Variants in FBXL7 observed in about 807,000 individuals in gnomAD.
FBXL7 encodes the protein F-box and leucine rich repeat protein 7.
A neutral mutation model predicts 38.3 loss-of-function variants in FBXL7; 12 were observed. The ratio of observed to expected loss-of-function variants is 0.31; its 90% CI spans 0.20 to 0.51. The LOEUF (loss-of-function observed/expected upper bound fraction) is 0.51, where lower values mean the gene tolerates loss of function less well. FBXL7 is among the 20% of genes least tolerant of loss of function. The pLI is 0.98. For synonymous variants in FBXL7, 297 were observed against 300.9 expected (o/e 0.99, Z 0.13); for missense variants, 567 against 676.4 (o/e 0.84, Z 1.79).
intron 2 of FBXL7, among the ~76,000 whole-genome samples, chr5:15,883,849 T>A (rs1455709978): frequency 6.6e-6 from 1 of 152,234 alleles, no homozygotes; most frequent in Non-Finnish European, 1.5e-5. Flanking sequence ...GTGTCTAGTA[T>A]AATTTCAAAC....
chr5:15,776,750 C>A (rs1195240384), intron 2 of FBXL7, among the ~76,000 whole-genome samples: 1 of 152,074 alleles, frequency 6.6e-6, no homozygotes, highest in African/African-American at 2.4e-5. Context: ...TAGCTTTTTT[C>A]AGAAGCATAT....
At chr5:15,678,934 G>A (rs933843202) in intron 2 of FBXL7, among the ~76,000 whole-genome samples, 14 of 152,138 alleles carry the variant, frequency 9.2e-5, no homozygotes, top group African/African-American at 2.7e-4. Flanking sequence ...AAGAACAAAA[G>A]TGCATTTGAA....
chr5:15,712,518 A>T (rs1743908347), intron 2 of FBXL7, among the ~76,000 whole-genome samples: 1 of 152,274 alleles, frequency 6.6e-6, no homozygotes, highest in South Asian at 2.1e-4. Context: ...GAAGTGTTGC[A>T]TTAAAATATT....
chr5:15,526,595 T>C (rs1737257308), intron 1 of FBXL7, among the ~76,000 whole-genome samples: 1 of 152,128 alleles, frequency 6.6e-6, no homozygotes. Flanking sequence ...CTGGGGGTAC[T>C]CAAAGGAACA....
intron 2 of FBXL7, among the ~76,000 whole-genome samples, chr5:15,638,746 G>A (rs534426339): frequency 5.3e-5 from 8 of 152,166 alleles, no homozygotes; most frequent in African/African-American, 1.4e-4. Flanking sequence ...GCAAACCATC[G>A]GTCCGTATAT....
At chr5:15,521,914 G>A (rs558779725) in intron 1 of FBXL7, among the ~76,000 whole-genome samples, 1 of 152,320 alleles carries the variant, frequency 6.6e-6, no homozygotes, top group African/African-American at 2.4e-5. Context: ...GAGCAAAGAT[G>A]CAGATTCATC....
chr5:15,526,356 T>C (rs1363012184), intron 1 of FBXL7, among the ~76,000 whole-genome samples: 1 of 152,146 alleles, frequency 6.6e-6, no homozygotes, highest in African/African-American at 2.4e-5. Flanking sequence ...GAAACCCTCC[T>C]GAGGATTCTG....
intron 1 of FBXL7, among the ~76,000 whole-genome samples, chr5:15,596,892 T>A (rs144321231): frequency 6.6e-6 from 1 of 152,328 alleles, no homozygotes; most frequent in African/African-American, 2.4e-5. Context: ...CCTGTGCATC[T>A]CTTCATCTCT....
At chr5:15,796,019 C>T (rs1286703548) in intron 2 of FBXL7, among the ~76,000 whole-genome samples, 6 of 152,144 alleles carry the variant, frequency 3.9e-5, no homozygotes, top group African/African-American at 1.4e-4. Context: ...TATATATTCT[C>T]CCTTGAATTG....
At chr5:15,832,142 G>A (rs1738475368) in intron 2 of FBXL7, among the ~76,000 whole-genome samples, 1 of 152,160 alleles carries the variant, frequency 6.6e-6, no homozygotes, top group Non-Finnish European at 1.5e-5. Flanking sequence ...GCTTTAAAGA[G>A]TCTTGTTTCT....
intron 2 of FBXL7, among the ~76,000 whole-genome samples, chr5:15,812,290 A>G (rs1737886925): frequency 6.6e-6 from 1 of 152,178 alleles, no homozygotes; most frequent in Admixed American, 6.5e-5. Flanking sequence ...TTGAACAACG[A>G]GAACACATGG....
At chr5:15,592,486 C>G (rs1561042245) in intron 1 of FBXL7, among the ~76,000 whole-genome samples, 1 of 152,204 alleles carries the variant, frequency 6.6e-6, no homozygotes, top group Admixed American at 6.5e-5. Context: ...AACTACACAG[C>G]TTGACGCCAT....
At chr5:15,501,817 T>A in intron 1 of FBXL7, 1 of 883,886 alleles carries the variant, frequency 1.1e-6, no homozygotes, top group Non-Finnish European at 1.4e-6. Context: ...TTTCTTTAAG[T>A]CATTCTTTTT....
intron 1 of FBXL7, among the ~76,000 whole-genome samples, chr5:15,601,954 G>C (rs1026589096): frequency 6.6e-6 from 1 of 152,110 alleles, no homozygotes; most frequent in Admixed American, 6.5e-5. Flanking sequence ...GGTGACCCTT[G>C]ATCTAATATG....
At chr5:15,708,505 A>G (rs755617951) in intron 2 of FBXL7, among the ~76,000 whole-genome samples, 74 of 152,332 alleles carry the variant, frequency 4.9e-4, no homozygotes, top group Non-Finnish European at 9.0e-4. Context: ...CTGGCATGCA[A>G]GAAGCTGAAC....
chr5:15,598,039 G>A (rs1370816902), intron 1 of FBXL7, among the ~76,000 whole-genome samples: 3 of 152,226 alleles, frequency 2.0e-5, no homozygotes, highest in Admixed American at 1.3e-4. Context: ...GGTTATGACC[G>A]CAATTTATAT....
At chr5:15,623,253 G>A (rs188622106) in intron 2 of FBXL7, among the ~76,000 whole-genome samples, 10 of 152,270 alleles carry the variant, frequency 6.6e-5, no homozygotes, top group East Asian at 1.9e-4. Context: ...GATCTGCCCC[G>A]TAGGTAAAAG....
chr5:15,897,886 G>C (rs1194388584), intron 2 of FBXL7, among the ~76,000 whole-genome samples: 1 of 152,156 alleles, frequency 6.6e-6, no homozygotes, highest in Non-Finnish European at 1.5e-5. Context: ...ACTAGAGTTG[G>C]AAAAGAGTAG....
intron 2 of FBXL7, among the ~76,000 whole-genome samples, chr5:15,773,703 C>T (rs1736788056): frequency 6.6e-6 from 1 of 152,014 alleles, no homozygotes; most frequent in South Asian, 2.1e-4. Flanking sequence ...TTATCAGTGG[C>T]CTAGATGCAA....
Sources: gnomAD v4.1 joint callset for allele counts (sites outside exome capture counted in the v4.1 genomes callset) on GRCh38, gnomAD v4.1.1 for gene constraint, MANE v1.5 for transcripts, NCBI Gene and HGNC (gene_info 2026-07-23, HGNC 2026-07-21) for gene names.